FMN1: variants seen among roughly 807,000 people sequenced by gnomAD.
FMN1 encodes the protein formin 1.
In FMN1, 110 loss-of-function variants were observed where a neutral mutation model predicts 132.4. That is an observed-to-expected ratio of 0.83 (90% CI 0.71 to 0.97). The LOEUF is 0.97. Ranked by LOEUF, FMN1 falls within the 50% of genes least tolerant of loss-of-function variation. The probability of loss-of-function intolerance (pLI) is 0.00; values close to 1 mark genes in which losing one functional copy is unlikely to be tolerated. For missense variants in FMN1, 1,792 were observed against 1,705.3 expected (o/e 1.05, Z -0.90); for synonymous variants, 722 against 651.7 (o/e 1.11, Z -1.64).
rs768892942 is a variant in FMN1, at chr15:32,899,206, G to A, written c.3655-313C>T. ...GGCACACAGCCAAGACAGGAGGTGCGGGGAATGCTAAAGGGAACCAGGGCC... is the reference window on the plus strand; with the variant it reads ...GGCACACAGCCAAGACAGGAGGTGCAGGGAATGCTAAAGGGAACCAGGGCC... On this transcript the variant is annotated intron_variant, in intron 14 of 20. Transcript: ENST00000616417. Among the ~76,000 whole-genome samples, 22 of 152,270 alleles carry A rather than the reference G, an allele frequency of 1.4e-4. 1 individual carries two copies. The highest frequency in any genetic ancestry group is 6.8e-3 in the Middle Eastern group (2 of 294).
chr15:32,845,697 T>C (rs1335452823), intron 17 of FMN1, among the ~76,000 whole-genome samples: 1 of 152,198 alleles, frequency 6.6e-6, no homozygotes, highest in Non-Finnish European at 1.5e-5. Context: ...TGAAGTGCTA[T>C]GCACCTGTTG....
intron 17 of FMN1, among the ~76,000 whole-genome samples, chr15:32,829,628 C>G (rs1352449592): frequency 6.6e-6 from 1 of 152,194 alleles, no homozygotes; most frequent in Non-Finnish European, 1.5e-5. Context: ...GATGCAATCA[C>G]ATTCCAAGAT....
chr15:32,934,616 T>TG (rs2061213872), intron 9 of FMN1, among the ~76,000 whole-genome samples: 1 of 148,486 alleles, frequency 6.7e-6, no homozygotes, highest in Admixed American at 6.7e-5. Flanking sequence ...TTTTTTTTTT[T>TG]GGGTGGGGAG....
chr15:33,106,726 A>G (rs2039502067), intron 4 of FMN1, among the ~76,000 whole-genome samples: 3 of 152,156 alleles, frequency 2.0e-5, no homozygotes, highest in Middle Eastern at 6.8e-3. Context: ...ACTGTACAAT[A>G]GGATGTTCAG....
chr15:32,803,357 G>A (rs181155642), intron 18 of FMN1, among the ~76,000 whole-genome samples: 88 of 152,216 alleles, frequency 5.8e-4, no homozygotes, highest in Admixed American at 3.5e-3. Flanking sequence ...TATGAGGGAG[G>A]GAGAGCCACA....
chr15:32,867,569 TCTC>T (rs199960598), intron 16 of FMN1, among the ~76,000 whole-genome samples: 6,559 of 151,768 alleles, frequency 0.043, 429 homozygotes, highest in African/African-American at 0.14. Flanking sequence ...AGTCGTGTGA[TCTC>T]CTCGGCTCAC....
At chr15:32,863,613 T>G (rs549782252) in intron 16 of FMN1, among the ~76,000 whole-genome samples, 1 of 152,192 alleles carries the variant, frequency 6.6e-6, no homozygotes, top group African/African-American at 2.4e-5. Flanking sequence ...GATTTCTTAA[T>G]GGGTATGGCA....
At chr15:32,859,868 T>G (rs919340777) in intron 16 of FMN1, among the ~76,000 whole-genome samples, 7 of 152,038 alleles carry the variant, frequency 4.6e-5, no homozygotes, top group Admixed American at 2.6e-4. Context: ...AGACCTTGTC[T>G]CTCAAAAAAA....
rs2034510939 is a variant in FMN1 at position 33,008,044 on chromosome 15, C to T, written c.2193G>A (p.Arg731=). The change falls in exon 7 of 21, where the codon AGG becomes AGA. Residue 731 remains arginine (R), a synonymous_variant. Coordinates refer to ENST00000616417, the MANE Select transcript of FMN1 (RefSeq NM_001277313.2). ...GGTTTTCAATTTCTTCTTTGTGCTC[C>T]CTCTTCAAGTGTAAAATAGCAGCTT... ...EYQAAILHLK[R]EHKEEIENLQ... 4 of 1,600,864 alleles carry T rather than the reference C, an allele frequency of 2.5e-6. No individual in the cohort carries two copies. Among genetic ancestry groups the T allele is most frequent in the Non-Finnish European group, 2.6e-6 (3 of 1,172,986 alleles).
At chr15:33,044,050 T>A (rs1167545320) in intron 6 of FMN1, among the ~76,000 whole-genome samples, 1 of 152,220 alleles carries the variant, frequency 6.6e-6, no homozygotes, top group African/African-American at 2.4e-5. Context: ...CAGTGCACAG[T>A]TGAGACCAAG....
chr15:32,949,928 G>T (rs2061588022), intron 9 of FMN1, among the ~76,000 whole-genome samples: 2 of 116,708 alleles, frequency 1.7e-5, no homozygotes, highest in African/African-American at 3.0e-5. Flanking sequence ...AGACATGCAT[G>T]AGGCCAAAAA....
At chr15:33,080,095 G>A (rs1000654080) in intron 5 of FMN1, among the ~76,000 whole-genome samples, 2 of 152,130 alleles carry the variant, frequency 1.3e-5, no homozygotes, top group Non-Finnish European at 2.9e-5. Context: ...CACTCCACTT[G>A]CAAGAACAAG....
chr15:32,775,321 C>G (rs1460912937), intron 20 of FMN1, among the ~76,000 whole-genome samples: 3 of 152,048 alleles, frequency 2.0e-5, no homozygotes, highest in Non-Finnish European at 4.4e-5. Flanking sequence ...CACCCACCCA[C>G]ACAGACAATA....
intron 5 of FMN1, among the ~76,000 whole-genome samples, chr15:33,070,206 T>C (rs1005441807): frequency 2.4e-4 from 37 of 151,646 alleles, no homozygotes; most frequent in Admixed American, 3.9e-4. Flanking sequence ...GGTTTCTCCA[T>C]GTTGGTCAGG....
At chr15:33,019,374 CAT>C (rs1315115683) in intron 6 of FMN1, among the ~76,000 whole-genome samples, 1 of 152,350 alleles carries the variant, frequency 6.6e-6, no homozygotes, top group African/African-American at 2.4e-5. Context: ...CTTAGCCAGA[CAT>C]AAAGATTCTC....
chr15:33,044,429 C>T (rs2141136566), intron 6 of FMN1, among the ~76,000 whole-genome samples: 1 of 152,324 alleles, frequency 6.6e-6, no homozygotes, highest in East Asian at 1.9e-4. Flanking sequence ...GACCAATCAG[C>T]ATGTATTTCC....
At chr15:33,118,239 A>T (rs183917878) in intron 4 of FMN1, among the ~76,000 whole-genome samples, 42 of 152,336 alleles carry the variant, frequency 2.8e-4, no homozygotes, top group Non-Finnish European at 4.6e-4. Context: ...AGTTCCAACC[A>T]AGCAATTATA....
intron 9 of FMN1, among the ~76,000 whole-genome samples, chr15:32,938,008 A>C (rs1344248957): frequency 6.6e-6 from 1 of 152,216 alleles, no homozygotes; most frequent in East Asian, 1.9e-4. Flanking sequence ...TTGGGCTAGC[A>C]GGGTGTGAGG....
chr15:33,161,969 CTCT>C (rs1247226457), intron 3 of FMN1, among the ~76,000 whole-genome samples: 4 of 150,478 alleles, frequency 2.7e-5, no homozygotes, highest in South Asian at 2.1e-4. Context: ...AGGTTAATGG[CTCT>C]TCTTCTTTCC....
Sources: allele counts gnomAD v4.1 joint callset (sites outside exome capture counted in the v4.1 genomes callset), GRCh38; gene constraint gnomAD v4.1.1; transcripts MANE v1.5; gene names NCBI Gene and HGNC (gene_info 2026-07-23, HGNC 2026-07-21).